Variants in CEP89 observed in about 807,000 individuals in gnomAD.
CEP89 encodes centrosomal protein of 89 kDa.
In CEP89, 95 loss-of-function variants were observed where a neutral mutation model predicts 97.6. The ratio of observed to expected loss-of-function variants is 0.97; its 90% CI spans 0.82 to 1.15. The LOEUF is 1.15. Among genes scored for constraint, CEP89 ranks in the 50% most tolerant of loss-of-function variants. CEP89 has a pLI of 0.00. For synonymous variants in CEP89, 354 were observed against 349.1 expected (o/e 1.01, Z -0.16); for missense variants, 869 against 947.7 (o/e 0.92, Z 1.09).
intron 5 of CEP89, among the ~76,000 whole-genome samples, chr19:32,944,239 ACT>A (rs145173375): frequency 0.22 from 15,624 of 70,288 alleles, 1,255 homozygotes; most frequent in East Asian, 0.47. Context: ...AAAAAAAAAG[ACT>A]CTTCTTCTGA....
chr19:32,926,162 G>C, intron 11 of CEP89, 28 bp downstream of exon 11: 1 of 1,510,758 alleles, frequency 6.6e-7, no homozygotes, highest in Non-Finnish European at 9.2e-7. Context: ...TATAAATCTT[G>C]TGTCTTCTGG....
At chr19:32,911,386 G>C (rs906445554) in intron 14 of CEP89, among the ~76,000 whole-genome samples, 3 of 152,222 alleles carry the variant, frequency 2.0e-5, no homozygotes, top group African/African-American at 7.2e-5. Flanking sequence ...GCCACACATG[G>C]TGGCTCATGC....
intron 14 of CEP89, among the ~76,000 whole-genome samples, chr19:32,913,301 A>T (rs868151175): frequency 6.1e-5 from 1 of 16,442 alleles, no homozygotes; most frequent in Non-Finnish European, 1.0e-4. Context: ...ATATATATAT[A>T]TATATTTTTT....
At chr19:32,960,094 A>G in intron 2 of CEP89, 36 bp from the exon 3 acceptor site, 6 of 1,611,760 alleles carry the variant, frequency 3.7e-6, no homozygotes, top group South Asian at 3.3e-5. Context: ...ACAGTGAGAC[A>G]TGAACATTCC....
At chr19:32,902,775 G>A (rs1221240230) in intron 14 of CEP89, among the ~76,000 whole-genome samples, 1 of 152,218 alleles carries the variant, frequency 6.6e-6, no homozygotes, top group Non-Finnish European at 1.5e-5. Flanking sequence ...AGACCTTGAA[G>A]GGTCTTTGGC....
chr19:32,901,268 A>G lies in CEP89; in HGVS notation c.1710T>C (p.Leu570=). Residue 570 remains leucine, a synonymous_variant, in exon 15 of 19, where the codon CTT becomes CTC. Transcript: ENST00000305768. The part of the protein sequence containing the change: ...TEQNKALEAE[L]ERAQKINRKS... ...ACCTATTGATTTTCTGTGCTCGTTC[A>G]AGTTCGGCTTCCAGTGCTTTGTTTT... The G allele has an allele frequency of 6.2e-7, 1 of 1,611,700 alleles. No homozygotes were observed. The highest frequency in any genetic ancestry group is 8.5e-7 in the Non-Finnish European group (1 of 1,179,460).
chr19:32,886,384 C>T (rs191379471), intron 17 of CEP89, among the ~76,000 whole-genome samples: 10 of 152,168 alleles, frequency 6.6e-5, no homozygotes, highest in African/African-American at 1.2e-4. Context: ...CCCTCCACCT[C>T]GCAGCCCCAT....
chr19:32,964,962 G>A (rs1236349951), intron 2 of CEP89, among the ~76,000 whole-genome samples: 11 of 152,166 alleles, frequency 7.2e-5, no homozygotes, highest in Admixed American at 7.2e-4. Context: ...CTGCAGTGCA[G>A]TGACATGATC....
At chr19:32,937,758 C>T (rs552222453) in intron 6 of CEP89, 85 bp from the exon 7 acceptor site, 2 of 915,286 alleles carry the variant, frequency 2.2e-6, no homozygotes, top group South Asian at 2.9e-5. Context: ...CATTAGACAG[C>T]AGGTATATAA....
At chr19:32,908,826 TA>T (rs1468927424) in intron 14 of CEP89, among the ~76,000 whole-genome samples, 2 of 152,212 alleles carry the variant, frequency 1.3e-5, no homozygotes, top group Non-Finnish European at 2.9e-5. Context: ...GGGAAAGGGT[TA>T]TGCCTCAGGC....
intron 17 of CEP89, among the ~76,000 whole-genome samples, chr19:32,882,865 T>C (rs536528038): frequency 1.3e-5 from 2 of 151,352 alleles, no homozygotes; most frequent in South Asian, 4.2e-4. Context: ...ATTTTTTTTC[T>C]TTTTTTTTGA....
At chr19:32,949,129 T>C (rs1024618785) in intron 4 of CEP89, among the ~76,000 whole-genome samples, 2 of 152,186 alleles carry the variant, frequency 1.3e-5, no homozygotes, top group Non-Finnish European at 2.9e-5. Context: ...CCACTGTAAA[T>C]TTCATTTACT....
intron 14 of CEP89, among the ~76,000 whole-genome samples, chr19:32,902,442 A>C (rs980274678): frequency 1.3e-5 from 2 of 152,238 alleles, no homozygotes; most frequent in Non-Finnish European, 2.9e-5. Context: ...TAACGATAAA[A>C]GGTTAAAGAA....
chr19:32,969,630 A>G (rs2404713), intron 1 of CEP89: 64,669 of 152,308 alleles, frequency 0.42, 14,065 homozygotes, highest in African/African-American at 0.47. Context: ...GGTGCAGGCT[A>G]CAGAGATGCC....
chr19:32,945,153 G>A (rs1489856451), intron 5 of CEP89, among the ~76,000 whole-genome samples: 1 of 152,048 alleles, frequency 6.6e-6, no homozygotes, highest in Non-Finnish European at 1.5e-5. Context: ...GTGTGGTGGT[G>A]CATGCCTGTA....
intron 14 of CEP89, among the ~76,000 whole-genome samples, chr19:32,914,200 G>A (rs1458478059): frequency 6.6e-6 from 1 of 152,068 alleles, no homozygotes; most frequent in Admixed American, 6.6e-5. Flanking sequence ...TTTAATGACT[G>A]CATTTCCTTC....
chr19:32,892,189 A>C (rs192788926), intron 16 of CEP89, among the ~76,000 whole-genome samples: 11,393 of 133,174 alleles, frequency 0.086, 1,626 homozygotes, highest in African/African-American at 0.28. Flanking sequence ...TATATTTAGA[A>C]TATATATTTA....
rs1056373032 is a variant in CEP89 at position 32,904,678 on chromosome 19, G to A, written c.1566-3266C>T. 2.4e-4 allele frequency among the ~76,000 whole-genome samples: 36 copies of A among 148,532 alleles called. 1 individual carries two copies. Among genetic ancestry groups the A allele is most frequent in the Middle Eastern group, 7.0e-3 (2 of 284 alleles). On this transcript the variant is annotated intron_variant, in intron 14 of 18. Transcript: ENST00000305768. ...GCCACCTCCACTCACTGCAACCTCC[G>A]CCTCCCAGGTTCAAGCGGTTCTCCT... is the stretch of plus-strand genomic sequence containing the variant.
Position 32,953,518 on chromosome 19 carries a change from G to T in CEP89, c.492+97C>A, listed in dbSNP as rs1257153983. 5.3e-6 allele frequency: 5 copies of T among 944,466 alleles called. No homozygotes were observed. The African/African-American group carries it at 6.5e-5, about 12-fold the overall frequency. The allele number at this position is 944,466 out of a possible 1,614,324, so 58.5% of individuals were successfully genotyped here. A position where few individuals can be genotyped will look rare whatever the true frequency, so the allele number is the denominator to read the frequency against. On this transcript the variant is annotated intron_variant, in intron 4 of 18. Coordinates refer to ENST00000305768, the MANE Select transcript of CEP89 (RefSeq NM_032816.5). ...AGCCCCAAAGCAAATGCTATCAAAT[G>T]CAGAATAGAGAGAAGAAATCCTTAG...
Sources: allele counts gnomAD v4.1 joint callset (sites outside exome capture counted in the v4.1 genomes callset), GRCh38; gene constraint gnomAD v4.1.1; transcripts MANE v1.5; gene names NCBI Gene and HGNC (gene_info 2026-07-23, HGNC 2026-07-21).